SKIC3: variants seen among roughly 807,000 people sequenced by gnomAD.
The protein encoded by SKIC3 is superkiller complex protein 3.
the SKIC3 span, among the ~76,000 whole-genome samples, chr5:95,522,693 C>T: frequency 3.3e-5 from 5 of 152,068 alleles, no homozygotes; most frequent in Non-Finnish European, 7.4e-5. Flanking sequence ...AAACAATAGG[C>T]ATGCTTTAAA....
the SKIC3 span, among the ~76,000 whole-genome samples, chr5:95,537,375 A>G: frequency 6.6e-6 from 1 of 152,224 alleles, no homozygotes; most frequent in African/African-American, 2.4e-5. Context: ...CATTAACAAC[A>G]TTAATTTAAC....
At chr5:95,517,969 A>G in the SKIC3 span, among the ~76,000 whole-genome samples, 1 of 151,980 alleles carries the variant, frequency 6.6e-6, no homozygotes, top group Admixed American at 6.6e-5. Context: ...TTTCTCTTGC[A>G]TTCTGCCCTT....
chr5:95,478,232 C>A, the SKIC3 span: 1 of 1,592,068 alleles, frequency 6.3e-7, no homozygotes, highest in South Asian at 1.1e-5. Context: ...AAAGCCTTCA[C>A]GTCAAAGAAA....
At chr5:95,471,823 C>T in the SKIC3 span, among the ~76,000 whole-genome samples, 1 of 152,194 alleles carries the variant, frequency 6.6e-6, no homozygotes, top group Admixed American at 6.5e-5. Context: ...CTGGCTTTAG[C>T]AGAGACTCCC....
the SKIC3 span, among the ~76,000 whole-genome samples, chr5:95,526,467 GTCTT>G: frequency 6.7e-6 from 1 of 149,834 alleles, no homozygotes. Context: ...GTGTCTGACT[GTCTT>G]TTTTTTTTTG....
chr5:95,550,731 C>T, the SKIC3 span: 12 of 152,378 alleles, frequency 7.9e-5, no homozygotes, highest in African/African-American at 2.2e-4. Context: ...AACTTTTTAA[C>T]GCATCAATTT....
At chr5:95,504,507 T>A in the SKIC3 span, among the ~76,000 whole-genome samples, 1 of 151,908 alleles carries the variant, frequency 6.6e-6, no homozygotes, top group Non-Finnish European at 1.5e-5. Context: ...CTAATTTTTT[T>A]AAGCTGAATA....
At chr5:95,531,235 TTAGTAATATG>T in the SKIC3 span, among the ~76,000 whole-genome samples, 1 of 152,176 alleles carries the variant, frequency 6.6e-6, no homozygotes. Context: ...GTATAATCCA[TTAGTAATATG>T]TAGTAATATG....
the SKIC3 span, among the ~76,000 whole-genome samples, chr5:95,533,489 T>G: frequency 2.0e-5 from 3 of 152,148 alleles, no homozygotes; most frequent in Non-Finnish European, 2.9e-5. Context: ...CATTAACTAT[T>G]GAACTTCCAC....
At chr5:95,517,925 C>T in the SKIC3 span, among the ~76,000 whole-genome samples, 1 of 151,996 alleles carries the variant, frequency 6.6e-6, no homozygotes, top group Admixed American at 6.6e-5. Context: ...CAGGAGTCAG[C>T]TCCTGATAAA....
chr5:95,530,914 G>C, the SKIC3 span, among the ~76,000 whole-genome samples: 2 of 151,722 alleles, frequency 1.3e-5, no homozygotes, highest in Non-Finnish European at 2.9e-5. Flanking sequence ...TCCCACAAAA[G>C]CATCAAAACA....
chr5:95,528,808 T>C, the SKIC3 span: 2 of 591,396 alleles, frequency 3.4e-6, no homozygotes, highest in East Asian at 6.0e-5. Flanking sequence ...AAACATTCAT[T>C]GTCAGTTTAA....
the SKIC3 span, among the ~76,000 whole-genome samples, chr5:95,505,840 C>G: frequency 6.6e-6 from 1 of 150,852 alleles, no homozygotes; most frequent in Non-Finnish European, 1.5e-5. Context: ...GAAAAAGTAA[C>G]CTGAAGCAAG....
chr5:95,464,984 G>C, the SKIC3 span, among the ~76,000 whole-genome samples: 11 of 132,648 alleles, frequency 8.3e-5, no homozygotes, highest in African/African-American at 2.7e-4. Flanking sequence ...GAGTGTAATC[G>C]TCTGATCTTG....
At chr5:95,522,285 C>G in the SKIC3 span, 2 of 1,613,560 alleles carry the variant, frequency 1.2e-6, no homozygotes, top group Non-Finnish European at 1.7e-6. Flanking sequence ...TCCTTTGGGT[C>G]TGCTCTTAAT....
At chr5:95,518,964 G>A in the SKIC3 span, among the ~76,000 whole-genome samples, 1 of 151,612 alleles carries the variant, frequency 6.6e-6, no homozygotes, top group Non-Finnish European at 1.5e-5. Flanking sequence ...ATCCTTGCCA[G>A]CCTTTATTTT....
the SKIC3 span, among the ~76,000 whole-genome samples, chr5:95,519,571 A>C: frequency 1.3e-5 from 2 of 152,210 alleles, no homozygotes; most frequent in Admixed American, 1.3e-4. Context: ...AGAGGAAAAA[A>C]GTGAAACAGG....
At chr5:95,509,615 T>TC in the SKIC3 span, 1 of 1,613,512 alleles carries the variant, frequency 6.2e-7, no homozygotes, top group Non-Finnish European at 8.5e-7. Context: ...ATTTGCTGCT[T>TC]CCTTTTTCAG....
the SKIC3 span, among the ~76,000 whole-genome samples, chr5:95,470,515 T>C: frequency 6.6e-6 from 1 of 152,164 alleles, no homozygotes; most frequent in Non-Finnish European, 1.5e-5. Context: ...CAGTCTTGTG[T>C]CTACCAAATA....
Sources: allele counts gnomAD v4.1 joint callset (sites outside exome capture counted in the v4.1 genomes callset), GRCh38; gene constraint gnomAD v4.1.1; transcripts MANE v1.5; gene names NCBI Gene and HGNC (gene_info 2026-07-23, HGNC 2026-07-21).